Variants in TMEM132D observed in about 807,000 individuals in gnomAD.
TMEM132D encodes the protein mature OL transmembrane protein.
Under a neutral mutation model 62.3 loss-of-function variants are expected in TMEM132D, and 21 were observed. The observed-to-expected ratio is 0.34, with a 90% CI of 0.24 to 0.49. The LOEUF (loss-of-function observed/expected upper bound fraction) is 0.49, where lower values mean the gene tolerates loss of function less well. Ranked by LOEUF, TMEM132D falls within the 20% of genes least tolerant of loss-of-function variation. The pLI, the probability that TMEM132D is intolerant of heterozygous loss-of-function variation, is 0.99. For synonymous variants in TMEM132D, 621 were observed against 575.6 expected (o/e 1.08, Z -1.13); for missense variants, 1,346 against 1,402.8 (o/e 0.96, Z 0.65).
chr12:129,649,277 A>T (rs1879862891), intron 2 of TMEM132D, among the ~76,000 whole-genome samples: 1 of 152,160 alleles, frequency 6.6e-6, no homozygotes. Flanking sequence ...TGAATTCCAT[A>T]TTCCTTCACT....
intron 1 of TMEM132D, among the ~76,000 whole-genome samples, chr12:129,812,191 A>G (rs553242669): frequency 6.6e-6 from 1 of 151,778 alleles, no homozygotes; most frequent in Admixed American, 6.6e-5. Flanking sequence ...ACGTGTCATC[A>G]CCATCAGCTC....
At chr12:129,861,235 A>G (rs1446017030) in intron 1 of TMEM132D, among the ~76,000 whole-genome samples, 2 of 152,354 alleles carry the variant, frequency 1.3e-5, no homozygotes, top group East Asian at 1.9e-4. Flanking sequence ...TGAGAAAATT[A>G]TAAGAAACAT....
At chr12:129,413,899 A>G in intron 3 of TMEM132D, among the ~76,000 whole-genome samples, 1 of 152,244 alleles carries the variant, frequency 6.6e-6, no homozygotes. Flanking sequence ...CTGGGCATGA[A>G]CGAACAATAC....
chr12:129,746,856 T>A (rs1000961102), intron 1 of TMEM132D, among the ~76,000 whole-genome samples: 1 of 152,124 alleles, frequency 6.6e-6, no homozygotes, highest in African/African-American at 2.4e-5. Flanking sequence ...CCGTGCAACT[T>A]GCTCAGCGAC....
chr12:129,326,616 CAG>C (rs1418718805), intron 4 of TMEM132D, among the ~76,000 whole-genome samples: 1 of 152,198 alleles, frequency 6.6e-6, no homozygotes, highest in East Asian at 1.9e-4. Context: ...AATCGTTGCA[CAG>C]AGACCATGTG....
At chr12:129,871,961 T>C (rs1260607420) in intron 1 of TMEM132D, among the ~76,000 whole-genome samples, 1 of 152,212 alleles carries the variant, frequency 6.6e-6, no homozygotes, top group South Asian at 2.1e-4. Flanking sequence ...AGACAATGTC[T>C]GCAGGAAGGC....
At chr12:129,183,530 C>CT (rs1383494163) in intron 5 of TMEM132D, among the ~76,000 whole-genome samples, 1 of 152,238 alleles carries the variant, frequency 6.6e-6, no homozygotes, top group African/African-American at 2.4e-5. Context: ...TAGAAGGAGC[C>CT]TTGCTAGTGT....
intron 1 of TMEM132D, among the ~76,000 whole-genome samples, chr12:129,718,196 G>A (rs1240506118): frequency 6.6e-6 from 1 of 152,206 alleles, no homozygotes; most frequent in African/African-American, 2.4e-5. Context: ...ACTGGGTCCT[G>A]TGTGCAATAT....
Position 129,827,326 on chromosome 12 carries a change from C to G in TMEM132D, c.79+75935G>C, listed in dbSNP as rs557435800. On this transcript the variant is annotated intron_variant, in intron 1 of 8. Transcript: ENST00000422113. The surrounding 1 kb of genome is among the most constrained non-coding windows in gnomAD (Gnocchi z 9.7). ...CAGCACCCAGTTAACAAAGGGTCCT[C>G]TCCAGTTTCTAAGCCCCAAATTCAT... Among the ~76,000 whole-genome samples, 136 of 152,218 alleles carry G rather than the reference C, an allele frequency of 8.9e-4. 1 individual carries two copies. Among genetic ancestry groups the G allele is most frequent in the Admixed American group, 3.1e-3 (47 of 15,280 alleles).
At chr12:129,762,830 CTAATA>C (rs1317165514) in intron 1 of TMEM132D, among the ~76,000 whole-genome samples, 1 of 152,096 alleles carries the variant, frequency 6.6e-6, no homozygotes, top group African/African-American at 2.4e-5. Context: ...AAAAAGCTGT[CTAATA>C]TGTTTTGTAC....
intron 4 of TMEM132D, among the ~76,000 whole-genome samples, chr12:129,291,414 A>C (rs1881443098): frequency 6.6e-6 from 1 of 152,176 alleles, no homozygotes; most frequent in Non-Finnish European, 1.5e-5. Context: ...TCCTCTTTAC[A>C]ATGATCTCAA....
chr12:129,256,110 C>G (rs1039641780), intron 4 of TMEM132D, among the ~76,000 whole-genome samples: 1 of 152,196 alleles, frequency 6.6e-6, no homozygotes, highest in Admixed American at 6.5e-5. Context: ...GACAGAGTCT[C>G]ACTCTGTCCC....
At chr12:129,314,666 G>A (rs563352736) in intron 4 of TMEM132D, among the ~76,000 whole-genome samples, 1 of 152,248 alleles carries the variant, frequency 6.6e-6, no homozygotes, top group African/African-American at 2.4e-5. Context: ...GAATGCTGGT[G>A]GTATTTTGAT....
intron 4 of TMEM132D, among the ~76,000 whole-genome samples, chr12:129,273,447 A>AG (rs1236945251): frequency 1.3e-5 from 2 of 151,524 alleles, no homozygotes; most frequent in East Asian, 3.9e-4. Flanking sequence ...AAAAAAAAAA[A>AG]AAAAAAAGCA....
intron 5 of TMEM132D, chr12:129,170,022 C>T (rs567734775): frequency 6.6e-6 from 1 of 152,314 alleles, no homozygotes; most frequent in South Asian, 2.1e-4. Context: ...TGGTTCTGAT[C>T]ATGTCTACAC....
intron 1 of TMEM132D, among the ~76,000 whole-genome samples, chr12:129,776,239 G>A (rs1049992013): frequency 3.9e-5 from 6 of 151,956 alleles, no homozygotes; most frequent in African/African-American, 9.7e-5. Context: ...ATAACCACAC[G>A]GACGTGAACC....
chr12:129,750,796 T>A (rs1869974489), intron 1 of TMEM132D, among the ~76,000 whole-genome samples: 1 of 152,076 alleles, frequency 6.6e-6, no homozygotes, highest in Non-Finnish European at 1.5e-5. Flanking sequence ...GCACTCACAA[T>A]AATGTATATT....
At chr12:129,494,912 C>A (rs549102161) in intron 3 of TMEM132D, among the ~76,000 whole-genome samples, 2 of 152,262 alleles carry the variant, frequency 1.3e-5, no homozygotes, top group Non-Finnish European at 2.9e-5. Flanking sequence ...GTAGTGAATG[C>A]CAGTGTCTAC....
chr12:129,240,985 C>T (rs1439631134), intron 4 of TMEM132D, among the ~76,000 whole-genome samples: 2 of 152,020 alleles, frequency 1.3e-5, no homozygotes, highest in South Asian at 2.1e-4. Context: ...TCACGTCCAT[C>T]GCAACCCACA....
Sources: gnomAD v4.1 joint callset for allele counts (sites outside exome capture counted in the v4.1 genomes callset) on GRCh38, gnomAD v4.1.1 for gene constraint, Gnocchi (gnomAD v3.1) non-coding constraint, MANE v1.5 for transcripts, NCBI Gene and HGNC (gene_info 2026-07-23, HGNC 2026-07-21) for gene names.